GPC6: variants seen among roughly 807,000 people sequenced by gnomAD.
GPC6 encodes the protein glypican 6, also known as glypican-6.
Under a neutral mutation model 55.2 loss-of-function variants are expected in GPC6, and 14 were observed. The ratio of observed to expected loss-of-function variants is 0.25; its 90% CI spans 0.17 to 0.40. The LOEUF (loss-of-function observed/expected upper bound fraction) is 0.40, where lower values mean the gene tolerates loss of function less well. Ranked by LOEUF, GPC6 falls within the 10% of genes least tolerant of loss-of-function variation. GPC6 has a pLI of 1.00. For synonymous variants in GPC6, 278 were observed against 259.6 expected (o/e 1.07, Z -0.68); for missense variants, 641 against 708.5 (o/e 0.90, Z 1.08).
At chr13:93,718,676 TG>T (rs1883338661) in intron 2 of GPC6, among the ~76,000 whole-genome samples, 1 of 152,142 alleles carries the variant, frequency 6.6e-6, no homozygotes, top group East Asian at 1.9e-4. Context: ...ATGAATTCTT[TG>T]CCTATTCATA....
chr13:93,771,818 T>A (rs939116904), intron 2 of GPC6, among the ~76,000 whole-genome samples: 2 of 151,984 alleles, frequency 1.3e-5, no homozygotes, highest in African/African-American at 4.8e-5. Flanking sequence ...AATGACCAAA[T>A]AAGGAACATG....
intron 4 of GPC6, among the ~76,000 whole-genome samples, chr13:94,220,222 G>A (rs1166573956): frequency 1.3e-5 from 2 of 152,062 alleles, no homozygotes; most frequent in Non-Finnish European, 2.9e-5. Flanking sequence ...CTCTTCCCTG[G>A]ACACAGGGCC....
chr13:94,299,926 A>C (rs890874105), intron 5 of GPC6, among the ~76,000 whole-genome samples: 1 of 152,208 alleles, frequency 6.6e-6, no homozygotes, highest in African/African-American at 2.4e-5. Context: ...CCAAGTAGTA[A>C]TCTAACAGTT....
chr13:93,239,890 A>G (rs1876368874), intron 1 of GPC6, among the ~76,000 whole-genome samples: 1 of 152,088 alleles, frequency 6.6e-6, no homozygotes, highest in South Asian at 2.1e-4. Flanking sequence ...TCATTGACCT[A>G]AAAGTCCTTC....
intron 3 of GPC6, among the ~76,000 whole-genome samples, chr13:93,848,997 T>C (rs529056957): frequency 6.6e-6 from 1 of 152,196 alleles, no homozygotes; most frequent in South Asian, 2.1e-4. Flanking sequence ...AGAACCCCTG[T>C]ACTAAGATTT....
intron 1 of GPC6, among the ~76,000 whole-genome samples, chr13:93,419,103 G>A (rs928666393): frequency 6.7e-6 from 1 of 149,214 alleles, no homozygotes; most frequent in Non-Finnish European, 1.5e-5. Flanking sequence ...CTACATTATG[G>A]TATTAAAAGC....
intron 2 of GPC6, among the ~76,000 whole-genome samples, chr13:93,729,226 A>G (rs931594422): frequency 2.6e-5 from 4 of 152,146 alleles, no homozygotes; most frequent in African/African-American, 7.2e-5. Context: ...TCAGTGGGCA[A>G]TGCTCTACAA....
chr13:93,724,267 C>T (rs539114157), intron 2 of GPC6, among the ~76,000 whole-genome samples: 11 of 151,920 alleles, frequency 7.2e-5, no homozygotes, highest in Non-Finnish European at 1.3e-4. Flanking sequence ...GTATTGCTTT[C>T]AGGGGGAGTT....
At chr13:93,765,236 C>CTGGAAAGACAACTTTCCAGATAAGCTGTA in intron 2 of GPC6, among the ~76,000 whole-genome samples, 1 of 78,364 alleles carries the variant, frequency 1.3e-5, no homozygotes. Flanking sequence ...GATAAATTGT[C>CTGGAAAGACAACTTTCCAGATAAGCTGTA]TGGAAAGACA....
At chr13:93,740,197 C>T (rs1048401554) in intron 2 of GPC6, among the ~76,000 whole-genome samples, 1 of 113,914 alleles carries the variant, frequency 8.8e-6, no homozygotes, top group African/African-American at 5.0e-5. Context: ...TGTTCTATGT[C>T]GTAAGGTCTA....
At chr13:93,510,647 G>A (rs1031039663) in intron 1 of GPC6, among the ~76,000 whole-genome samples, 10 of 151,790 alleles carry the variant, frequency 6.6e-5, no homozygotes, top group African/African-American at 2.4e-4. Flanking sequence ...TTGATGTTTT[G>A]GTTTCATTTC....
At chr13:94,200,657 C>T (rs1889719943) in intron 4 of GPC6, among the ~76,000 whole-genome samples, 1 of 152,122 alleles carries the variant, frequency 6.6e-6, no homozygotes, top group Admixed American at 6.6e-5. Flanking sequence ...ACTTTAGGGA[C>T]ATGATAGTTT....
intron 3 of GPC6, among the ~76,000 whole-genome samples, chr13:93,918,945 A>G (rs181671170): frequency 8.7e-4 from 133 of 152,330 alleles, no homozygotes; most frequent in African/African-American, 2.9e-3. Flanking sequence ...TCCCATCCAA[A>G]TCTCAAGCTG....
At chr13:93,452,267 C>G (rs765088700) in intron 1 of GPC6, among the ~76,000 whole-genome samples, 49 of 152,298 alleles carry the variant, frequency 3.2e-4, no homozygotes, top group South Asian at 2.3e-3. Context: ...AGCCTTGATA[C>G]TATGAGACAG....
intron 3 of GPC6, among the ~76,000 whole-genome samples, chr13:93,913,790 G>C (rs976076675): frequency 5.9e-5 from 9 of 152,080 alleles, no homozygotes; most frequent in Admixed American, 2.6e-4. Context: ...ACTATCGAAG[G>C]ATTAACATTC....
rs879800888 is a variant in GPC6 at position 93,492,731 on chromosome 13, AG to A, written c.161-52529del. ...AATTTACTGAGAGTTTTTAGCATGA[AG>A]GGTTGTTGAATTTTGTCAAAGGCTT... On this transcript the variant is annotated intron_variant, in intron 1 of 8. Coordinates refer to ENST00000377047, the MANE Select transcript of GPC6 (RefSeq NM_005708.5). Among the ~76,000 whole-genome samples, 16 of 151,256 alleles carry A rather than the reference AG, an allele frequency of 1.1e-4. 1 individual carries two copies. Among genetic ancestry groups the A allele is most frequent in the Non-Finnish European group, 1.6e-4 (11 of 67,766 alleles).
intron 2 of GPC6, among the ~76,000 whole-genome samples, chr13:93,573,945 T>C (rs1163312911): frequency 6.6e-6 from 1 of 152,160 alleles, no homozygotes; most frequent in East Asian, 1.9e-4. Context: ...CAGGATTGAG[T>C]TGAGAGACAT....
chr13:93,450,415 A>C (rs1248482064), intron 1 of GPC6, among the ~76,000 whole-genome samples: 1 of 152,184 alleles, frequency 6.6e-6, no homozygotes, highest in Non-Finnish European at 1.5e-5. Flanking sequence ...TTTTATGTCA[A>C]TTTGGAATTG....
Position 94,403,802 on chromosome 13 carries a change from G to A in GPC6, c.*585G>A, listed in dbSNP as rs558829824. On this transcript the variant is annotated 3_prime_UTR_variant, in exon 9 of 9. Coordinates refer to ENST00000377047, the MANE Select transcript of GPC6 (RefSeq NM_005708.5). The stretch of plus-strand genomic sequence containing the variant: ...GTGAAAATGCACTGTTGTCTTGGAG[G>A]TATCATCTTGCACTCTAACCAAACA... 5.8e-6 allele frequency: 1 copy of A among 171,682 alleles called. No homozygotes were observed. The allele number at this position is 171,682 out of a possible 1,614,324, so 10.6% of individuals were successfully genotyped here.
Sources: allele counts gnomAD v4.1 joint callset (sites outside exome capture counted in the v4.1 genomes callset), GRCh38; gene constraint gnomAD v4.1.1; transcripts MANE v1.5; gene names NCBI Gene and HGNC (gene_info 2026-07-23, HGNC 2026-07-21).